The following TOP3A variants were observed in gnomAD, a reference collection of about 807,000 sequenced individuals.
The protein encoded by TOP3A is DNA topoisomerase III alpha.
Under a neutral mutation model 111.3 loss-of-function variants are expected in TOP3A, and 64 were observed. That is an observed-to-expected ratio of 0.57 (90% CI 0.47 to 0.71). The LOEUF (loss-of-function observed/expected upper bound fraction) is 0.71. Among genes scored for constraint, TOP3A ranks in the 30% least tolerant of loss-of-function variants. The pLI is 0.00. For missense variants in TOP3A, 1,104 were observed against 1,285.0 expected (o/e 0.86, Z 2.15); for synonymous variants, 484 against 485.1 (o/e 1.00, Z 0.03).
intron 16 of TOP3A, among the ~76,000 whole-genome samples, chr17:18,282,384 C>T (rs966545472): frequency 6.6e-6 from 1 of 152,162 alleles, no homozygotes; most frequent in African/African-American, 2.4e-5. Flanking sequence ...GGCATTTGAA[C>T]CCAGACCCAC....
intron 18 of TOP3A, among the ~76,000 whole-genome samples, chr17:18,275,183 G>A (rs913853670): frequency 2.0e-5 from 3 of 151,308 alleles, no homozygotes; most frequent in Non-Finnish European, 2.9e-5. Context: ...CAGGTGTGGT[G>A]TATGCCTGTG....
chr17:18,298,517 T>G (rs111503533), intron 9 of TOP3A, among the ~76,000 whole-genome samples: 100,580 of 141,548 alleles, frequency 0.71, 36,377 homozygotes, highest in African/African-American at 0.85. Context: ...GAAGTGAGGA[T>G]CCCCTCTGCC....
chr17:18,277,570 C>A, intron 18 of TOP3A, 105 bp downstream of exon 18: 1 of 1,363,472 alleles, frequency 7.3e-7, no homozygotes. Context: ...GTGCCCCTCC[C>A]AATCCCACCA....
rs145242027 is a variant in TOP3A at position 18,311,390 on chromosome 17, T to C, written c.181-2449A>G. Among the ~76,000 whole-genome samples, 285 of 152,138 alleles carry C rather than the reference T, an allele frequency of 1.9e-3. 1 individual carries two copies. The highest frequency in any genetic ancestry group is 6.8e-3 in the Middle Eastern group (2 of 294). ...CTCACTGCAAGCTCCACTTCCCGGGTTGAAGCGATTCTCCTGCCTCAGCCT... is the reference window on the plus strand; with the variant it reads ...CTCACTGCAAGCTCCACTTCCCGGGCTGAAGCGATTCTCCTGCCTCAGCCT... On this transcript the variant is annotated intron_variant, in intron 1 of 18. Coordinates refer to ENST00000321105, the MANE Select transcript of TOP3A (RefSeq NM_004618.5).
At chr17:18,294,840 A>C in intron 9 of TOP3A, 55 bp from the exon 10 acceptor site, 1 of 1,132,852 alleles carries the variant, frequency 8.8e-7, no homozygotes. Flanking sequence ...AGGCAGCACA[A>C]CTCAAATACA....
At chr17:18,295,644 A>G (rs931932027) in intron 9 of TOP3A, among the ~76,000 whole-genome samples, 1 of 149,092 alleles carries the variant, frequency 6.7e-6, no homozygotes, top group African/African-American at 2.5e-5. Context: ...TTTTCAGTAG[A>G]GACGGGGTTT....
chr17:18,307,123 T>C, intron 3 of TOP3A, 157 bp from the exon 4 acceptor site: 3 of 570,540 alleles, frequency 5.3e-6, no homozygotes, highest in African/African-American at 3.7e-5. Flanking sequence ...CATGACACAC[T>C]GTCCACTTCT....
At chr17:18,291,533 A>G (rs1980476111) in intron 11 of TOP3A, among the ~76,000 whole-genome samples, 2 of 152,268 alleles carry the variant, frequency 1.3e-5, no homozygotes, top group Admixed American at 1.3e-4. Context: ...TTCAAAGGAA[A>G]TAACTGGAGA....
Position 18,306,961 on chromosome 17 carries a change from C to T in TOP3A, c.320G>A (p.Ser107Asn). ...TTCAAAGAGGACAAGAGGGTTGCAG[C>T]TCTGCCTAGAAAAGAAATGAAAACA... ...DFQMQFRKWQ[S>N]CNPLVLFEAE... The change falls in exon 4 of 19, where the codon AGC (serine) becomes AAC (asparagine). Residue 107 changes from serine to asparagine, a missense_variant. Ser to Asn is a conservative substitution (Grantham distance 46, BLOSUM62 1). Transcript: ENST00000321105. The T allele has an allele frequency of 6.2e-7, 1 of 1,613,114 alleles. No individual in the cohort carries two copies. The highest frequency in any genetic ancestry group is 8.5e-7 in the Non-Finnish European group (1 of 1,179,448).
At chr17:18,306,698 T>TA (rs11382542) in intron 4 of TOP3A, 193 bp downstream of exon 4, 347,352 of 519,520 alleles carry the variant, frequency 0.67, 118,453 homozygotes, top group African/African-American at 0.85. Flanking sequence ...CTACCATTCA[T>TA]AAAAAAAGTT....
chr17:18,305,888 C>A (rs1484442832), intron 4 of TOP3A, among the ~76,000 whole-genome samples: 1 of 151,878 alleles, frequency 6.6e-6, no homozygotes, highest in Non-Finnish European at 1.5e-5. Flanking sequence ...TGAATTTCAT[C>A]CAAAGTTTTA....
At chr17:18,298,845 C>T (rs1351185157) in intron 9 of TOP3A, among the ~76,000 whole-genome samples, 1 of 152,010 alleles carries the variant, frequency 6.6e-6, no homozygotes, top group Non-Finnish European at 1.5e-5. Context: ...TAAACAGATG[C>T]TTGAAGGCAG....
chr17:18,308,383 CA>C lies in TOP3A; in HGVS notation c.281del (p.Leu94ArgfsTer34), dbSNP rs1981715426. ...GAAACTGCATCTGGAAATCATGAGC[CA>C]GTAAATGTCCAGAAACTGAAGTCAT... ...MVMTSVSGHL[L>X]AHDFQMQFRK... On this transcript the variant is annotated frameshift_variant, in exon 3 of 19. Coordinates refer to ENST00000321105, the MANE Select transcript of TOP3A (RefSeq NM_004618.5). LOFTEE classifies it high-confidence loss of function. 6.2e-7 allele frequency: 1 copy of C among 1,605,268 alleles called. No homozygotes were observed. Among genetic ancestry groups the C allele is most frequent in the African/African-American group, 1.3e-5 (1 of 74,720 alleles).
At chr17:18,286,575 G>A (rs1980121450) in intron 13 of TOP3A, among the ~76,000 whole-genome samples, 1 of 152,066 alleles carries the variant, frequency 6.6e-6, no homozygotes, top group Non-Finnish European at 1.5e-5. Flanking sequence ...AGACCTACTG[G>A]CAAAATCAAA....
intron 13 of TOP3A, 164 bp downstream of exon 13, chr17:18,290,393 A>G (rs1980390503): frequency 1.3e-6 from 1 of 761,976 alleles, no homozygotes; most frequent in African/African-American, 1.8e-5. Flanking sequence ...CACTTTGTGA[A>G]CTTAGGTAAG....
At chr17:18,292,250 G>A (rs1980524062) in intron 11 of TOP3A, among the ~76,000 whole-genome samples, 1 of 152,198 alleles carries the variant, frequency 6.6e-6, no homozygotes, top group South Asian at 2.1e-4. Context: ...AGTGACAGGG[G>A]GTGGCACGAC....
chr17:18,295,205 T>G (rs1190138823), intron 9 of TOP3A, among the ~76,000 whole-genome samples: 1 of 151,902 alleles, frequency 6.6e-6, no homozygotes, highest in Non-Finnish European at 1.5e-5. Context: ...TAGGCTGGAG[T>G]GCAGTAGCAT....
At chr17:18,293,460 T>C (rs1980605604) in intron 10 of TOP3A, among the ~76,000 whole-genome samples, 1 of 151,442 alleles carries the variant, frequency 6.6e-6, no homozygotes, top group South Asian at 2.1e-4. Context: ...TAATTTTTTT[T>C]TTTTTTTGTA....
At chr17:18,299,222 T>C (rs970520483) in intron 9 of TOP3A, among the ~76,000 whole-genome samples, 1 of 152,142 alleles carries the variant, frequency 6.6e-6, no homozygotes, top group Non-Finnish European at 1.5e-5. Flanking sequence ...GGCCAGAAGC[T>C]TGAGACTAGC....
Sources: allele counts gnomAD v4.1 joint callset (sites outside exome capture counted in the v4.1 genomes callset), GRCh38; gene constraint gnomAD v4.1.1; transcripts MANE v1.5; gene names NCBI Gene and HGNC (gene_info 2026-07-23, HGNC 2026-07-21).